The following AK4 variants were observed in gnomAD, a reference collection of about 807,000 sequenced individuals.
AK4 encodes the protein adenylate kinase 4.
AK4 carries 13 observed loss-of-function variants against 24.6 expected under a neutral mutation model. The ratio of observed to expected loss-of-function variants is 0.53; its 90% confidence interval spans 0.34 to 0.84. The LOEUF (loss-of-function observed/expected upper bound fraction) is 0.84, where lower values mean the gene tolerates loss of function less well. Among genes scored for constraint, AK4 ranks in the 40% least tolerant of loss-of-function variants. The probability of loss-of-function intolerance (pLI) is 0.01; values close to 1 mark genes in which losing one functional copy is unlikely to be tolerated. For missense variants in AK4, 192 were observed against 288.2 expected (o/e 0.67, Z 2.42); for synonymous variants, 88 against 107.0 (o/e 0.82, Z 1.10).
rs142739241 is a variant in AK4 at position 65,159,840 on chromosome 1, C to T, written c.145+11288C>T. Among the ~76,000 whole-genome samples, 497 of 151,786 alleles carry T rather than the reference C, an allele frequency of 3.3e-3. 3 individuals carry two copies. Among genetic ancestry groups the T allele is most frequent in the African/African-American group, 0.011 (475 of 41,402 alleles). On this transcript the variant is annotated intron_variant, in intron 1 of 4. Coordinates refer to ENST00000327299, the MANE Select transcript of AK4 (RefSeq NM_013410.4). ...AAAATTAGCTGGGCATGGTGGTGTG[C>T]GCCTGTAGTCCCAGCTACTCGAGAG...
chr1:65,181,878 A>G (rs1199468104), intron 1 of AK4, among the ~76,000 whole-genome samples: 3 of 152,112 alleles, frequency 2.0e-5, no homozygotes, highest in Non-Finnish European at 2.9e-5. Context: ...CACTTAGGGA[A>G]ATGTGCCACA....
At chr1:65,180,060 G>A (rs918011130) in intron 1 of AK4, among the ~76,000 whole-genome samples, 1 of 152,208 alleles carries the variant, frequency 6.6e-6, no homozygotes, top group African/African-American at 2.4e-5. Context: ...AGACATACGT[G>A]ACAAAAGTCT....
At chr1:65,187,782 ACTT>A (rs1396480527) in intron 1 of AK4, among the ~76,000 whole-genome samples, 1 of 152,214 alleles carries the variant, frequency 6.6e-6, no homozygotes, top group Non-Finnish European at 1.5e-5. Context: ...GTAAGCTGGA[ACTT>A]TTATTTATTC....
chr1:65,153,697 T>C (rs1215602087), intron 1 of AK4, among the ~76,000 whole-genome samples: 1 of 152,068 alleles, frequency 6.6e-6, no homozygotes, highest in Admixed American at 6.6e-5. Context: ...TAAGGGTAAT[T>C]TAAGCAAATA....
intron 2 of AK4, among the ~76,000 whole-genome samples, chr1:65,202,939 A>G (rs1326999735): frequency 7.2e-6 from 1 of 138,946 alleles, no homozygotes; most frequent in African/African-American, 2.7e-5. Context: ...TGGCACCATC[A>G]TAGCTCACTG....
At chr1:65,186,654 TTTG>T (rs1014062311) in intron 1 of AK4, among the ~76,000 whole-genome samples, 19 of 152,338 alleles carry the variant, frequency 1.2e-4, no homozygotes, top group Admixed American at 1.2e-3. Flanking sequence ...AAGATGTGTA[TTTG>T]TTGTTTATCT....
intron 1 of AK4, among the ~76,000 whole-genome samples, chr1:65,183,078 TA>T (rs1297117573): frequency 6.6e-6 from 1 of 152,192 alleles, no homozygotes; most frequent in African/African-American, 2.4e-5. Flanking sequence ...AGATGCTTAA[TA>T]AATATTAGCT....
chr1:65,150,104 T>C (rs983221737), intron 1 of AK4, among the ~76,000 whole-genome samples: 3 of 152,146 alleles, frequency 2.0e-5, no homozygotes, highest in Non-Finnish European at 2.9e-5. Context: ...TGTACCTTAC[T>C]TGGTGACTTG....
intron 1 of AK4, among the ~76,000 whole-genome samples, chr1:65,182,081 A>G (rs1395714856): frequency 2.0e-5 from 3 of 151,976 alleles, no homozygotes; most frequent in African/African-American, 7.3e-5. Context: ...ACGCCTGACT[A>G]ATTTTACATT....
chr1:65,150,733 C>T (rs180698107), intron 1 of AK4, among the ~76,000 whole-genome samples: 11 of 152,240 alleles, frequency 7.2e-5, no homozygotes, highest in African/African-American at 2.4e-4. Flanking sequence ...GACGATGAAG[C>T]ACAACAAAAA....
chr1:65,161,307 TGG>T (rs1458644297), intron 1 of AK4, among the ~76,000 whole-genome samples: 1 of 152,094 alleles, frequency 6.6e-6, no homozygotes, highest in Non-Finnish European at 1.5e-5. Context: ...GCATTAGGTA[TGG>T]GGAGGCGTGC....
At position 65,226,867 on chromosome 1, in the gene AK4, A is replaced by G. The variant is rs951668077; in HGVS notation, c.*690A>G. The G allele has an allele frequency of 1.4e-5, 2 of 139,674 alleles. No homozygotes were observed. Among genetic ancestry groups the G allele is most frequent in the Admixed American group, 1.4e-4 (2 of 14,064 alleles). The allele number at this position is 139,674 out of a possible 1,614,324, so 8.7% of individuals were successfully genotyped here. ...ACTCTTAGGCTTTTAAACAATAGTT[A>G]TTGCTTTTATCCCTCTCAGATTCTA... On this transcript the variant is annotated 3_prime_UTR_variant, in exon 5 of 5. Coordinates refer to ENST00000327299, the MANE Select transcript of AK4 (RefSeq NM_013410.4).
chr1:65,225,009 C>T (rs915991613), intron 4 of AK4, 139 bp downstream of exon 4: 12 of 597,696 alleles, frequency 2.0e-5, no homozygotes, highest in Non-Finnish European at 2.6e-5. Flanking sequence ...TCCCAGAAGT[C>T]AGATGAAATG....
chr1:65,224,688 A>G, intron 3 of AK4, 64 bp from the exon 4 acceptor site: 13 of 1,343,334 alleles, frequency 9.7e-6, no homozygotes, highest in South Asian at 3.6e-5. Context: ...TGCACAGAAA[A>G]GTTTTTAACC....
At chr1:65,161,506 T>C (rs565693564) in intron 1 of AK4, among the ~76,000 whole-genome samples, 9 of 152,304 alleles carry the variant, frequency 5.9e-5, no homozygotes, top group African/African-American at 2.2e-4. Context: ...CCTTTCACAC[T>C]TCTTTAATCT....
At chr1:65,158,504 AT>A (rs949579817) in intron 1 of AK4, among the ~76,000 whole-genome samples, 18 of 150,816 alleles carry the variant, frequency 1.2e-4, no homozygotes, top group East Asian at 1.2e-3. Context: ...AGCAAACTAG[AT>A]TTTTTTTTTC....
chr1:65,148,452 C>G lies in AK4; in HGVS notation c.45C>G (p.Gly15=). The change falls in exon 1 of 5, where the codon GGC becomes GGG. Residue 15 remains glycine, a synonymous_variant. Transcript: ENST00000327299. ...LLRAVILGPP[G]SGKGTVCQRI... ...GCGCGGTCATCCTCGGGCCGCCCGGCTCGGGCAAGGGCACCGTGTGCCAGA... is the reference window on the plus strand; with the variant it reads ...GCGCGGTCATCCTCGGGCCGCCCGGGTCGGGCAAGGGCACCGTGTGCCAGA... 6.4e-7 allele frequency: 1 copy of G among 1,569,514 alleles called. No individual in the cohort carries two copies. Among genetic ancestry groups the G allele is most frequent in the Non-Finnish European group, 8.6e-7 (1 of 1,158,678 alleles).
chr1:65,209,694 A>G (rs963608167), intron 2 of AK4, among the ~76,000 whole-genome samples: 2 of 152,226 alleles, frequency 1.3e-5, no homozygotes, highest in African/African-American at 4.8e-5. Context: ...CAATTTAAAG[A>G]ATGCTGAAGC....
chr1:65,191,598 T>G (rs1651309482), intron 2 of AK4, among the ~76,000 whole-genome samples: 1 of 150,532 alleles, frequency 6.6e-6, no homozygotes, highest in African/African-American at 2.4e-5. Flanking sequence ...GGGGAATGAG[T>G]TATCTTAGTA....
Sources: gnomAD v4.1 joint callset for allele counts (sites outside exome capture counted in the v4.1 genomes callset) on GRCh38, gnomAD v4.1.1 for gene constraint, MANE v1.5 for transcripts, NCBI Gene and HGNC (gene_info 2026-07-23, HGNC 2026-07-21) for gene names.